Variants in RELN observed in about 807,000 individuals in gnomAD.
RELN encodes the protein reelin.
A neutral mutation model predicts 427.6 loss-of-function variants in RELN; 108 were observed. The ratio of observed to expected loss-of-function variants is 0.25; its 90% CI spans 0.22 to 0.30. The LOEUF (loss-of-function observed/expected upper bound fraction) is 0.30, where lower values mean the gene tolerates loss of function less well. RELN is among the 10% of genes least tolerant of loss of function. The pLI, the probability that RELN is intolerant of heterozygous loss-of-function variation, is 1.00. For missense variants in RELN, 3,715 were observed against 4,302.8 expected (o/e 0.86, Z 3.82); for synonymous variants, 1,524 against 1,513.4 (o/e 1.01, Z -0.16).
At chr7:103,619,805 T>C (rs1832174286) in intron 20 of RELN, among the ~76,000 whole-genome samples, 1 of 152,030 alleles carries the variant, frequency 6.6e-6, no homozygotes, top group Non-Finnish European at 1.5e-5. Flanking sequence ...CAGGGAAGAA[T>C]CAATCCTCAC....
At chr7:103,565,658 T>A (rs775251487) in intron 33 of RELN, 107 bp from the exon 34 acceptor site, 2 of 1,021,480 alleles carry the variant, frequency 2.0e-6, no homozygotes, top group Non-Finnish European at 2.9e-6. Flanking sequence ...TCATGGCCTA[T>A]CTTTAGTGCC....
intron 1 of RELN, among the ~76,000 whole-genome samples, chr7:103,977,308 C>A (rs1796898504): frequency 2.5e-5 from 1 of 40,230 alleles, no homozygotes; most frequent in Non-Finnish European, 3.7e-5. Flanking sequence ...GAGACTCTGT[C>A]TCAAAAAAAA....
At position 103,661,445 on chromosome 7, in the gene RELN, C is replaced by T. The variant is rs577943317; in HGVS notation, c.1372G>A (p.Glu458Lys). Residue 458 changes from glutamate (E) to lysine (K), a missense_variant, in exon 12 of 65, where the codon GAG (glutamate) becomes AAG (lysine). By Grantham distance (56) the Glu-to-Lys change is moderately conservative. Coordinates refer to ENST00000428762, the MANE Select transcript of RELN (RefSeq NM_005045.4). ...ATGGATGGAGTGCATAATTTCCTCT[C>T]TCCATCTTTGAGGAAGACCATTGAT... Reference protein sequence around the residue: ...GLSMVFLKDGERKLCTPSMDT... With the variant: ...GLSMVFLKDGKRKLCTPSMDT... The T allele has an allele frequency of 1.2e-6, 2 of 1,613,710 alleles. No homozygotes were observed. Among genetic ancestry groups the T allele is most frequent in the Admixed American group, 1.7e-5 (1 of 59,992 alleles).
intron 3 of RELN, among the ~76,000 whole-genome samples, chr7:103,785,192 A>G (rs1295518002): frequency 2.0e-5 from 3 of 152,126 alleles, no homozygotes; most frequent in Non-Finnish European, 4.4e-5. Flanking sequence ...TAAAACATTA[A>G]AATAAAAATG....
intron 6 of RELN, among the ~76,000 whole-genome samples, chr7:103,732,430 TC>T (rs1348414840): frequency 4.6e-5 from 7 of 152,104 alleles, no homozygotes; most frequent in Middle Eastern, 3.2e-3. Context: ...ATTAAGGTGA[TC>T]TTCCTAATAT....
intron 43 of RELN, among the ~76,000 whole-genome samples, chr7:103,542,027 G>A (rs967114285): frequency 6.6e-6 from 1 of 152,116 alleles, no homozygotes; most frequent in African/African-American, 2.4e-5. Context: ...TGCAAAATTA[G>A]GTCAGGGTTC....
chr7:103,691,520 A>C (rs1265034851), intron 10 of RELN, among the ~76,000 whole-genome samples: 1 of 152,168 alleles, frequency 6.6e-6, no homozygotes, highest in Non-Finnish European at 1.5e-5. Context: ...GCATTAAAAC[A>C]GTCATTCGTA....
chr7:103,551,829 A>C (rs939079512), intron 40 of RELN, among the ~76,000 whole-genome samples: 50 of 152,066 alleles, frequency 3.3e-4, no homozygotes, highest in African/African-American at 1.1e-3. Context: ...TATATACTTA[A>C]GGTGTACCCA....
rs1830542372 is a variant in RELN at position 103,557,152 on chromosome 7, T to C, written c.5622A>G (p.Pro1874=). Residue 1874 remains proline (P), a synonymous_variant, in exon 38 of 65, where the codon CCA becomes CCG. Coordinates refer to ENST00000428762, the MANE Select transcript of RELN (RefSeq NM_005045.4). ...GTAACAGAATAGAGTGAGATCTCTCTGGGGTACCTAGGAAGAAGATAACAC... is the reference window on the plus strand; with the variant it reads ...GTAACAGAATAGAGTGAGATCTCTCCGGGGTACCTAGGAAGAAGATAACAC... The part of the protein sequence containing the change: ...FSLRFIAKST[P]ERSHSILLQF... 1.2e-6 allele frequency: 2 copies of C among 1,612,576 alleles called. No individual in the cohort carries two copies. The highest frequency in any genetic ancestry group is 1.1e-5 in the South Asian group (1 of 91,036).
chr7:103,659,421 T>C (rs1013744699), intron 12 of RELN, among the ~76,000 whole-genome samples: 2 of 152,176 alleles, frequency 1.3e-5, no homozygotes, highest in African/African-American at 2.4e-5. Flanking sequence ...GGTTCCAATT[T>C]GCTTTTCTAG....
intron 6 of RELN, among the ~76,000 whole-genome samples, chr7:103,734,065 T>C (rs1790430591): frequency 6.6e-6 from 1 of 152,142 alleles, no homozygotes; most frequent in Admixed American, 6.6e-5. Flanking sequence ...TTCAATTTTC[T>C]TTAGGCTCAG....
chr7:103,963,144 T>C lies in RELN; in HGVS notation c.226+25987A>G, dbSNP rs79416707. Among the ~76,000 whole-genome samples, 323 of 151,186 alleles carry C rather than the reference T, an allele frequency of 2.1e-3. 1 individual carries two copies. The highest frequency in any genetic ancestry group is 7.5e-3 in the African/African-American group (306 of 41,000). ...TCCTCTTTTCGCCTTCTTTTTTTTT[T>C]CTCATTGGCGCTTTCTACTCATTTC... On this transcript the variant is annotated intron_variant, in intron 1 of 64. Transcript: ENST00000428762.
At position 103,515,460 on chromosome 7, in the gene RELN, G is replaced by T. The variant is rs755414271; in HGVS notation, c.7863-19C>A. On this transcript the variant is annotated intron_variant, in intron 49 of 64. Coordinates refer to ENST00000428762, the MANE Select transcript of RELN (RefSeq NM_005045.4). ...CACAAATCTATAGGAAAATGATGGG[G>T]AAGGGTGTGGGGAAGAACCCTTGTC... 1 of 1,613,192 alleles carries T rather than the reference G, an allele frequency of 6.2e-7. No homozygotes were observed. The highest frequency in any genetic ancestry group is 8.5e-7 in the Non-Finnish European group (1 of 1,179,920).
chr7:103,706,992 T>C (rs867850964), intron 8 of RELN, among the ~76,000 whole-genome samples: 9 of 152,266 alleles, frequency 5.9e-5, no homozygotes, highest in Middle Eastern at 3.4e-3. Context: ...CATTTGTTTA[T>C]AGACAGGGGT....
chr7:103,960,277 C>A (rs113979684), intron 1 of RELN, among the ~76,000 whole-genome samples: 1 of 152,128 alleles, frequency 6.6e-6, no homozygotes, highest in African/African-American at 2.4e-5. Flanking sequence ...TTGCTGGGAC[C>A]GAAATACAGA....
At chr7:103,954,446 G>GTA (rs1796394638) in intron 1 of RELN, among the ~76,000 whole-genome samples, 1 of 151,742 alleles carries the variant, frequency 6.6e-6, no homozygotes, top group Non-Finnish European at 1.5e-5. Context: ...GTGTAAGCAT[G>GTA]TGTGTGTGTG....
At chr7:103,972,170 T>C (rs1162719826) in intron 1 of RELN, among the ~76,000 whole-genome samples, 1 of 152,250 alleles carries the variant, frequency 6.6e-6, no homozygotes, top group Non-Finnish European at 1.5e-5. Flanking sequence ...CTGAGTATGT[T>C]TGTGTGCATC....
Position 103,584,323 on chromosome 7 carries a change from C to G in RELN, c.4145+5273G>C, listed in dbSNP as rs193240021. ...TTATTTGTTGCCTACAATAGACCCA[C>G]TTAATGGGTAAAGACACCTACAGAC... On this transcript the variant is annotated intron_variant, in intron 28 of 64. Coordinates refer to ENST00000428762, the MANE Select transcript of RELN (RefSeq NM_005045.4). Among the ~76,000 whole-genome samples the G allele has an allele frequency of 9.2e-4, 140 of 152,280 alleles. 1 individual carries two copies. Among genetic ancestry groups the G allele is most frequent in the African/African-American group, 3.3e-3 (138 of 41,544 alleles).
At chr7:103,746,857 G>A (rs1161848797) in intron 6 of RELN, among the ~76,000 whole-genome samples, 20 of 151,774 alleles carry the variant, frequency 1.3e-4, no homozygotes, top group Middle Eastern at 3.2e-3. Flanking sequence ...TCAGTGTGGC[G>A]ATTCCTCAGG....
Sources: allele counts gnomAD v4.1 joint callset (sites outside exome capture counted in the v4.1 genomes callset), GRCh38; gene constraint gnomAD v4.1.1; transcripts MANE v1.5; gene names NCBI Gene and HGNC (gene_info 2026-07-23, HGNC 2026-07-21).